AP3B1: variants seen among roughly 807,000 people sequenced by gnomAD.
The protein encoded by AP3B1 is adaptor related protein complex 3 subunit beta 1, also known as AP-3 complex subunit beta-1.
A neutral mutation model predicts 132.5 loss-of-function variants in AP3B1; 61 were observed. The observed-to-expected ratio is 0.46, with a 90% CI of 0.37 to 0.57. AP3B1 has a LOEUF of 0.57. Ranked by LOEUF, AP3B1 falls within the 20% of genes least tolerant of loss-of-function variation. AP3B1 has a pLI of 0.00. For missense variants in AP3B1, 1,120 were observed against 1,289.4 expected (o/e 0.87, Z 2.01); for synonymous variants, 388 against 438.3 (o/e 0.89, Z 1.43).
chr5:78,092,012 T>C lies in AP3B1; in HGVS notation c.2471-2513A>G, dbSNP rs557320078. On this transcript the variant is annotated intron_variant, in intron 21 of 26. Transcript: ENST00000255194. ...TAAAAAGTGAATGGTAGAACCACTA[T>C]AGAATTAGAAACTGCTTCTTCTAAC... Among the ~76,000 whole-genome samples the C allele has an allele frequency of 2.3e-4, 35 of 152,342 alleles. No individual in the cohort carries two copies. The South Asian group carries it at 6.2e-3, about 27-fold the overall frequency.
At position 78,072,883 on chromosome 5, in the gene AP3B1, G is replaced by A. The variant is rs142112662; in HGVS notation, c.2577+16510C>T. ...ATTAAAGGCACAAGCCACCATGCCC[G>A]GCAAATTTTTGTATTTTTAGTAGAG... On this transcript the variant is annotated intron_variant, in intron 22 of 26. Transcript: ENST00000255194. 3.6e-3 allele frequency among the ~76,000 whole-genome samples: 547 copies of A among 151,630 alleles called. 5 individuals are homozygous for A. Among genetic ancestry groups the A allele is most frequent in the African/African-American group, 0.012 (505 of 41,320 alleles).
At chr5:78,191,054 C>T (rs1265770184) in intron 7 of AP3B1, among the ~76,000 whole-genome samples, 1 of 152,114 alleles carries the variant, frequency 6.6e-6, no homozygotes, top group Non-Finnish European at 1.5e-5. Flanking sequence ...GTTATGGATG[C>T]TTAAAAGGAG....
intron 26 of AP3B1, among the ~76,000 whole-genome samples, chr5:78,008,436 T>C (rs964277154): frequency 6.6e-6 from 1 of 152,224 alleles, no homozygotes; most frequent in African/African-American, 2.4e-5. Flanking sequence ...TGGTTACTTC[T>C]GAAATATCCA....
At chr5:78,189,109 G>C (rs1283143906) in intron 7 of AP3B1, among the ~76,000 whole-genome samples, 1 of 152,094 alleles carries the variant, frequency 6.6e-6, no homozygotes, top group African/African-American at 2.4e-5. Flanking sequence ...AGGGAAAAGA[G>C]CTAATGGATG....
At chr5:78,147,336 CCTT>C (rs1189009556) in intron 14 of AP3B1, among the ~76,000 whole-genome samples, 2 of 151,970 alleles carry the variant, frequency 1.3e-5, no homozygotes, top group East Asian at 1.9e-4. Flanking sequence ...TCTTTCCTTA[CCTT>C]CTTATTTTCA....
intron 26 of AP3B1, among the ~76,000 whole-genome samples, chr5:78,014,095 G>A (rs1746749609): frequency 6.6e-6 from 1 of 152,100 alleles, no homozygotes; most frequent in Non-Finnish European, 1.5e-5. Flanking sequence ...CCCGGGAGGC[G>A]GAGCTTGCAG....
chr5:78,231,148 T>C (rs1419525265), intron 3 of AP3B1, among the ~76,000 whole-genome samples: 2 of 151,960 alleles, frequency 1.3e-5, no homozygotes, highest in Non-Finnish European at 2.9e-5. Flanking sequence ...AAAGAAAATA[T>C]GTCCTTGAAA....
At chr5:78,184,416 G>A (rs1463256861) in intron 7 of AP3B1, among the ~76,000 whole-genome samples, 3 of 151,790 alleles carry the variant, frequency 2.0e-5, no homozygotes, top group Non-Finnish European at 2.9e-5. Flanking sequence ...GGCCGGGTGC[G>A]GTGGCTCATG....
chr5:78,256,235 T>A (rs1747841499), intron 2 of AP3B1, among the ~76,000 whole-genome samples: 1 of 151,696 alleles, frequency 6.6e-6, no homozygotes, highest in African/African-American at 2.4e-5. Flanking sequence ...AACAAAAAGC[T>A]TTTTTTGAAA....
At chr5:78,024,480 C>T (rs1279846765) in intron 24 of AP3B1, among the ~76,000 whole-genome samples, 1 of 152,028 alleles carries the variant, frequency 6.6e-6, no homozygotes, top group Non-Finnish European at 1.5e-5. Flanking sequence ...GCCTCGACCT[C>T]CTGGGCTCAA....
At position 78,116,328 on chromosome 5, in the gene AP3B1, A is replaced by C. The variant is rs1751827810; in HGVS notation, c.1969-94T>G. ...TCATTAACAACATAACTGAATTCAA[A>C]AGCAAGCTTAAGGCCTCCACAGGGA... On this transcript the variant is annotated intron_variant, in intron 17 of 26. Transcript: ENST00000255194. 1.2e-5 allele frequency: 13 copies of C among 1,050,712 alleles called. No homozygotes were observed. In the South Asian group the frequency reaches 1.3e-4, roughly 11 times the overall value. The allele number at this position is 1,050,712 out of a possible 1,614,324, so 65.1% of individuals were successfully genotyped here.
chr5:78,251,043 GA>G (rs1238123075), intron 2 of AP3B1, among the ~76,000 whole-genome samples: 3 of 152,090 alleles, frequency 2.0e-5, no homozygotes, highest in African/African-American at 7.2e-5. Context: ...CAGACTGACA[GA>G]AAAGGGAGAA....
intron 4 of AP3B1, 149 bp from the exon 5 acceptor site, chr5:78,227,681 G>A (rs1746455584): frequency 2.8e-6 from 2 of 717,168 alleles, no homozygotes; most frequent in South Asian, 1.8e-5. Flanking sequence ...TTAGTATATA[G>A]GAATGGGAAA....
intron 2 of AP3B1, among the ~76,000 whole-genome samples, chr5:78,254,702 A>G (rs1013104473): frequency 2.0e-5 from 3 of 152,224 alleles, no homozygotes; most frequent in Non-Finnish European, 2.9e-5. Flanking sequence ...TAAAGGGAGT[A>G]CTTCAATCAG....
At chr5:78,067,167 CAAAG>C (rs1460210768) in intron 22 of AP3B1, among the ~76,000 whole-genome samples, 1 of 152,098 alleles carries the variant, frequency 6.6e-6, no homozygotes, top group African/African-American at 2.4e-5. Context: ...TCAAAAAAGA[CAAAG>C]AAGGGCATTA....
At position 78,141,304 on chromosome 5, in the gene AP3B1, C is replaced by T; in HGVS notation, c.1489G>A (p.Ala497Thr). The change falls in exon 15 of 27, where the codon GCA becomes ACA. Residue 497 changes from alanine to threonine, a missense_variant. Physicochemically the swap from Ala to Thr is moderately conservative, Grantham distance 58. Transcript: ENST00000255194. ...TCTCCAATTAGCCAAAGAATACTTG[C>T]TCTAGCAACAGGAACCTAATATGAG... ...LDSITVPVAR[A>T]SILWLIGENC... 4 of 1,613,392 alleles carry T rather than the reference C, an allele frequency of 2.5e-6. No homozygotes were observed. The highest frequency in any genetic ancestry group is 3.4e-6 in the Non-Finnish European group (4 of 1,179,558).
At position 78,110,240 on chromosome 5, in the gene AP3B1, A is replaced by G. The variant is rs1444609023; in HGVS notation, c.2364T>C (p.Pro788=). The G allele has an allele frequency of 1.2e-6, 2 of 1,607,796 alleles. No individual in the cohort carries two copies. Among genetic ancestry groups the G allele is most frequent in the African/African-American group, 1.3e-5 (1 of 74,874 alleles). ...CTCTTCTGGATTCAGATTCACTTTC[A>G]GGTTCTGACTCTGATTCAGAATCGG... ...SSSDSESESE[P]ESESESRRVT... is the part of the protein sequence containing the mutation. The change falls in exon 20 of 27, where the codon CCT becomes CCC. Residue 788 remains proline (P), a synonymous_variant. Transcript: ENST00000255194.
intron 21 of AP3B1, among the ~76,000 whole-genome samples, chr5:78,093,258 T>C (rs75086191): frequency 0.016 from 2,373 of 152,202 alleles, 59 homozygotes; most frequent in African/African-American, 0.052. Flanking sequence ...AATGGCACAA[T>C]TGCAGCTCAC....
intron 1 of AP3B1, among the ~76,000 whole-genome samples, chr5:78,285,994 C>T (rs1353416507): frequency 6.6e-6 from 1 of 152,146 alleles, no homozygotes; most frequent in Non-Finnish European, 1.5e-5. Context: ...AATCATTTCA[C>T]CCCTCTGCTC....
Sources: gnomAD v4.1 joint callset for allele counts (sites outside exome capture counted in the v4.1 genomes callset) on GRCh38, gnomAD v4.1.1 for gene constraint, MANE v1.5 for transcripts, NCBI Gene and HGNC (gene_info 2026-07-23, HGNC 2026-07-21) for gene names.